The following XAB2 variants were observed in gnomAD, a reference collection of about 807,000 sequenced individuals.
XAB2 encodes pre-mRNA-splicing factor SYF1.
XAB2 carries 57 observed loss-of-function variants against 113.4 expected under a neutral mutation model. That is an observed-to-expected ratio of 0.50 (90% confidence interval 0.41 to 0.63). The LOEUF (loss-of-function observed/expected upper bound fraction) is 0.63, where lower values mean the gene tolerates loss of function less well. Ranked by LOEUF, XAB2 falls within the 20% of genes least tolerant of loss-of-function variation. The pLI, the probability that XAB2 is intolerant of heterozygous loss-of-function variation, is 0.00. For missense variants in XAB2, 1,037 were observed against 1,233.3 expected, an observed-to-expected ratio of 0.84 and a Z score of 2.38; for synonymous variants, 497 against 498.8, an observed-to-expected ratio of 1.00 and a Z score of 0.05.
chr19:7,623,994 T>C lies in XAB2; in HGVS notation c.968-112A>G. On this transcript the variant is annotated intron_variant, in intron 7 of 18. Transcript: ENST00000358368. The surrounding 1 kb of genome is among the most constrained non-coding windows in gnomAD (Gnocchi z 4.6). ...CGCTCCAGCCCCCAGCCAAGTGCTC[T>C]GGGCCCTAGACACTCAGCTCGGGTG... The C allele has an allele frequency of 7.5e-7, 1 of 1,334,398 alleles. No homozygotes were observed. 82.7% of individuals were successfully genotyped at this position (1,334,398 alleles called of 1,614,324 possible).
In XAB2 at chr19:7,625,663, G is replaced by C. The variant is rs1277408145; in HGVS notation, c.822+217C>G. Among the ~76,000 whole-genome samples the C allele has an allele frequency of 6.6e-6, 1 of 152,072 alleles. No homozygotes were observed. Among genetic ancestry groups the C allele is most frequent in the Non-Finnish European group, 1.5e-5 (1 of 68,004 alleles). Reference sequence around the variant, plus strand: ...CTGACTAATTTTTGTATTTTTAGTAGTGATGGGGTTTCACCATGTTGGCCA... The same window carrying C: ...CTGACTAATTTTTGTATTTTTAGTACTGATGGGGTTTCACCATGTTGGCCA... On this transcript the variant is annotated intron_variant, in intron 6 of 18. Transcript: ENST00000358368. This position sits in a 1 kb window ranked among gnomAD's most constrained non-coding sequence, Gnocchi z 5.2.
At position 7,623,756 on chromosome 19, in the gene XAB2, G is replaced by T. The variant is rs767583337; in HGVS notation, c.1094C>A (p.Ala365Asp). The T allele has an allele frequency of 6.2e-7, 1 of 1,609,812 alleles. No individual in the cohort carries two copies. Among genetic ancestry groups the T allele is most frequent in the East Asian group, 2.2e-5 (1 of 44,868 alleles). The change falls in exon 8 of 19, where the codon GCC becomes GAC. Residue 365 changes from alanine to aspartate, a missense_variant. Transcript: ENST00000358368. This position sits in a 1 kb window ranked among gnomAD's most constrained non-coding sequence, Gnocchi z 4.6. ...HHVHEWHKRV[A>D]LHQGRPREII... ...CTCCCGGGGGCGGCCCTGGTGCAGG[G>T]CGACACGCTTGTGCCACTCGTGCAC... is the stretch of plus-strand genomic sequence containing the variant.
chr19:7,620,953 C>T lies in XAB2; in HGVS notation c.1864G>A (p.Ala622Thr). 1 of 1,586,554 alleles carries T rather than the reference C, an allele frequency of 6.3e-7. No individual in the cohort carries two copies. Among genetic ancestry groups the T allele is most frequent in the Non-Finnish European group, 8.6e-7 (1 of 1,168,252 alleles). ...AMAVYERATR[A>T]VEPAQQYDMF... ...TCATACTGCTGGGCGGGCTCCACGG[C>T]CCTGGTGGCACGCTCGTACACGGCC... Residue 622 changes from alanine to threonine, a missense_variant, in exon 14 of 19, where the codon GCC becomes ACC. Ala to Thr is a moderately conservative substitution (Grantham distance 58). Transcript: ENST00000358368.
At chr19:7,621,538 G>C in intron 12 of XAB2, 1 of 523,258 alleles carries the variant, frequency 1.9e-6, no homozygotes. Flanking sequence ...GGCCCCATAG[G>C]AGGTGACATG....
Position 7,625,304 on chromosome 19 carries a change from A to T in XAB2, c.822+576T>A, listed in dbSNP as rs2031114909. ...CAGTAACTGTCACCCTGATTTTACAAATGAAGACACCCCACCTTAGTGGGG... is the reference window on the plus strand; with the variant it reads ...CAGTAACTGTCACCCTGATTTTACATATGAAGACACCCCACCTTAGTGGGG... On this transcript the variant is annotated intron_variant, in intron 6 of 18. Coordinates refer to ENST00000358368, the MANE Select transcript of XAB2 (RefSeq NM_020196.3). The surrounding 1 kb of genome is among the most constrained non-coding windows in gnomAD (Gnocchi z 5.2). 6.6e-6 allele frequency among the ~76,000 whole-genome samples: 1 copy of T among 152,066 alleles called. No individual in the cohort carries two copies. The highest frequency in any genetic ancestry group is 2.1e-4 in the South Asian group (1 of 4,820).
At position 7,619,554 on chromosome 19, in the gene XAB2, G is replaced by A. The variant is rs978463170; in HGVS notation, c.*32C>T. ...GTACAAACGTAGCTGTATTGGGGAG[G>A]GGGTGGGGAGGGGGGATGGGGGAGG... On this transcript the variant is annotated 3_prime_UTR_variant, in exon 19 of 19. Transcript: ENST00000358368. 3.4e-6 allele frequency: 5 copies of A among 1,466,158 alleles called. No individual in the cohort carries two copies. Among genetic ancestry groups the A allele is most frequent in the African/African-American group, 1.4e-5 (1 of 70,360 alleles). The allele number at this position is 1,466,158 out of a possible 1,614,324, so 90.8% of individuals were successfully genotyped here. A position where few individuals can be genotyped will look rare whatever the true frequency, so the allele number is the denominator to read the frequency against.
At position 7,627,968 on chromosome 19, in the gene XAB2, C is replaced by T. The variant is rs1731992326; in HGVS notation, c.201-117G>A. The T allele has an allele frequency of 6.6e-7, 1 of 1,522,872 alleles. No homozygotes were observed. Among genetic ancestry groups the T allele is most frequent in the Non-Finnish European group, 8.9e-7 (1 of 1,126,636 alleles). 94.3% of individuals were successfully genotyped at this position (1,522,872 alleles called of 1,614,324 possible). On this transcript the variant is annotated intron_variant, in intron 2 of 18. Coordinates refer to ENST00000358368, the MANE Select transcript of XAB2 (RefSeq NM_020196.3). The surrounding 1 kb of genome is among the most constrained non-coding windows in gnomAD (Gnocchi z 4.5). ...AAGGGGTGTGGGAGGGGTGACATGT[C>T]TCAGCAATGACAGGGACAGACTGGG...
chr19:7,619,653 G>A lies in XAB2; in HGVS notation c.2507-6C>T. 6.2e-7 allele frequency: 1 copy of A among 1,603,066 alleles called. No homozygotes were observed. Among genetic ancestry groups the A allele is most frequent in the Non-Finnish European group, 8.5e-7 (1 of 1,173,766 alleles). On this transcript the variant is annotated splice_region_variant and splice_polypyrimidine_tract_variant and intron_variant, in intron 18 of 18. Coordinates refer to ENST00000358368, the MANE Select transcript of XAB2 (RefSeq NM_020196.3). ...CTGCTGCTCCAGCCGAACCTCTGTG[G>A]GGAAGGCGGGAGCCAGTCACCCTCC...
In XAB2 at chr19:7,628,060, C is replaced by T; in HGVS notation, c.200+90G>A. 6.6e-7 allele frequency: 1 copy of T among 1,520,688 alleles called. No homozygotes were observed. The allele number at this position is 1,520,688 out of a possible 1,614,324, so 94.2% of individuals were successfully genotyped here. On this transcript the variant is annotated intron_variant, in intron 2 of 18. Coordinates refer to ENST00000358368, the MANE Select transcript of XAB2 (RefSeq NM_020196.3). This position sits in a 1 kb window ranked among gnomAD's most constrained non-coding sequence, Gnocchi z 4.6. ...TCAGTGATGAAACACGAAGCAATCA[C>T]CCGGGACCCGGGACCCACTTGGCAG...
rs2031092122 is a variant in XAB2, at chr19:7,624,136, T to C, written c.967+165A>G. Among the ~76,000 whole-genome samples, 1 of 150,898 alleles carries C rather than the reference T, an allele frequency of 6.6e-6. No individual in the cohort carries two copies. Among genetic ancestry groups the C allele is most frequent in the South Asian group, 2.1e-4 (1 of 4,772 alleles). ...GCCCAGGCCTGAGAAGTGTCCCCATTCCTGGCTCCTTCAAGACCCCCACAC... is the reference window on the plus strand; with the variant it reads ...GCCCAGGCCTGAGAAGTGTCCCCATCCCTGGCTCCTTCAAGACCCCCACAC... On this transcript the variant is annotated intron_variant, in intron 7 of 18. Transcript: ENST00000358368. The surrounding 1 kb of genome is among the most constrained non-coding windows in gnomAD (Gnocchi z 4.2).
Position 7,624,064 on chromosome 19 carries a change from C to T in XAB2, c.968-182G>A, listed in dbSNP as rs1268645484. Among the ~76,000 whole-genome samples the T allele has an allele frequency of 4.0e-5, 6 of 151,304 alleles. No homozygotes were observed. The highest frequency in any genetic ancestry group is 3.3e-4 in the Admixed American group (5 of 15,210). On this transcript the variant is annotated intron_variant, in intron 7 of 18. Coordinates refer to ENST00000358368, the MANE Select transcript of XAB2 (RefSeq NM_020196.3). The surrounding 1 kb of genome is among the most constrained non-coding windows in gnomAD (Gnocchi z 4.2). ...CAGCCCCAGGTACTGTGGATACCCC[C>T]TCCTACCCCCACTGTTCCCCTAGCC...
rs2031072013 is a variant in XAB2 at position 7,623,170 on chromosome 19, A to G, written c.1239T>C (p.Asp413=). The G allele has an allele frequency of 6.2e-7, 1 of 1,613,306 alleles. No homozygotes were observed. Among genetic ancestry groups the G allele is most frequent in the African/African-American group, 1.3e-5 (1 of 74,926 alleles). The change falls in exon 9 of 19, where the codon GAT becomes GAC. Residue 413 remains aspartate, a splice_region_variant and synonymous_variant. Transcript: ENST00000358368. The surrounding 1 kb of genome is among the most constrained non-coding windows in gnomAD (Gnocchi z 4.6). ...KFYEDNGQLD[D]ARVILEKATK... ...CAGGCACACGCAACAGGGTGCTCACATCGTCCAGCTGTCCGTTGTCCTCAT... is the reference window on the plus strand; with the variant it reads ...CAGGCACACGCAACAGGGTGCTCACGTCGTCCAGCTGTCCGTTGTCCTCAT...
At chr19:7,626,381 C>A in intron 4 of XAB2, 111 bp from the exon 5 acceptor site, 1 of 1,469,042 alleles carries the variant, frequency 6.8e-7, no homozygotes, top group Non-Finnish European at 9.2e-7. Context: ...GTGTCTTGGG[C>A]AAAAGCAAGC....
chr19:7,627,452 G>A lies in XAB2; in HGVS notation c.325-12C>T, dbSNP rs1474043646. ...CACAGACGAGGCATCTGGGGGTGTG[G>A]GGAGAGGCGGCTGGGGCTAAGCCAC... On this transcript the variant is annotated splice_polypyrimidine_tract_variant and intron_variant, in intron 3 of 18. Transcript: ENST00000358368. This position sits in a 1 kb window ranked among gnomAD's most constrained non-coding sequence, Gnocchi z 4.5. The A allele has an allele frequency of 5.6e-6, 9 of 1,597,008 alleles. No homozygotes were observed. Among genetic ancestry groups the A allele is most frequent in the African/African-American group, 1.3e-5 (1 of 74,692 alleles).
chr19:7,623,675 C>G lies in XAB2; in HGVS notation c.1119+56G>C. On this transcript the variant is annotated intron_variant, in intron 8 of 18. Transcript: ENST00000358368. The surrounding 1 kb of genome is among the most constrained non-coding windows in gnomAD (Gnocchi z 4.6). ...CATTATGGGTGAAGGTGGGTGGCTC[C>G]CCAGTTCTGCAGGAAACTGGCCCTC... The G allele has an allele frequency of 6.6e-7, 1 of 1,526,708 alleles. No homozygotes were observed. Among genetic ancestry groups the G allele is most frequent in the Non-Finnish European group, 8.8e-7 (1 of 1,142,442 alleles). The allele number at this position is 1,526,708 out of a possible 1,614,324, so 94.6% of individuals were successfully genotyped here. A position where few individuals can be genotyped will look rare whatever the true frequency, so the allele number is the denominator to read the frequency against.
At position 7,620,576 on chromosome 19, in the gene XAB2, T is replaced by C. The variant is rs1383702749; in HGVS notation, c.2065A>G (p.Ser689Gly). ...GGGTCACAGATCTGGGAGCAGAAGC[T>C]GTAGATGGCCCGGGCGCGGTCAATC... The part of the protein sequence containing the change: ...GEIDRARAIY[S>G]FCSQICDPRT... The change falls in exon 15 of 19, where the codon AGC (serine) becomes GGC (glycine). Residue 689 changes from serine to glycine, a missense_variant. Physicochemically the swap from Ser to Gly is moderately conservative, Grantham distance 56 (BLOSUM62 0). Coordinates refer to ENST00000358368, the MANE Select transcript of XAB2 (RefSeq NM_020196.3). 1 of 1,613,386 alleles carries C rather than the reference T, an allele frequency of 6.2e-7. No individual in the cohort carries two copies. The highest frequency in any genetic ancestry group is 1.3e-5 in the African/African-American group (1 of 75,020).
In XAB2 at chr19:7,619,796, G is replaced by C. The variant is rs1206901698; in HGVS notation, c.2457C>G (p.Ile819Met). ...CCTCGTCCTCGTCCTCGCCCAGCTG[G>C]ATCTCCTCGGGGTTGACCTGCTGTG... ...ELAQQVNPEE[I>M]QLGEDEDEDE... The change falls in exon 18 of 19, where the codon ATC becomes ATG. Residue 819 changes from isoleucine (I) to methionine (M), a missense_variant. Physicochemically the swap from Ile to Met is conservative, Grantham distance 10. Transcript: ENST00000358368. 4 of 1,613,502 alleles carry C rather than the reference G, an allele frequency of 2.5e-6. No individual in the cohort carries two copies. The highest frequency in any genetic ancestry group is 3.4e-6 in the Non-Finnish European group (4 of 1,179,952).
At chr19:7,622,730 G>A (rs112046815) in intron 10 of XAB2, 32 bp downstream of exon 10, 62 of 1,613,164 alleles carry the variant, frequency 3.8e-5, no homozygotes, top group Non-Finnish European at 4.7e-5. Flanking sequence ...ACAACCTGCA[G>A]CCCCCACCCC....
At chr19:7,626,735 C>T (rs755864613) in intron 4 of XAB2, among the ~76,000 whole-genome samples, 1 of 151,656 alleles carries the variant, frequency 6.6e-6, no homozygotes, top group Admixed American at 6.6e-5. Flanking sequence ...TCCCATGGGT[C>T]CAGCCTTGAC....
Sources: gnomAD v4.1 joint callset for allele counts (sites outside exome capture counted in the v4.1 genomes callset) on GRCh38, gnomAD v4.1.1 for gene constraint, Gnocchi (gnomAD v3.1) non-coding constraint, MANE v1.5 for transcripts, NCBI Gene and HGNC (gene_info 2026-07-23, HGNC 2026-07-21) for gene names.